XKR7: variants seen among roughly 807,000 people sequenced by gnomAD.
XKR7 encodes the protein XK related 7, also known as XK-related protein 7.
A neutral mutation model predicts 42.2 loss-of-function variants in XKR7; 11 were observed. That is an observed-to-expected ratio of 0.26 (90% CI 0.16 to 0.43). The LOEUF (loss-of-function observed/expected upper bound fraction) is 0.43. XKR7 is among the 20% of genes least tolerant of loss of function. The probability of loss-of-function intolerance (pLI) is 1.00; values close to 1 mark genes in which losing one functional copy is unlikely to be tolerated. For synonymous variants in XKR7, 346 were observed against 366.4 expected, an observed-to-expected ratio of 0.94 and a Z score of 0.64; for missense variants, 710 against 802.2, an observed-to-expected ratio of 0.89 and a Z score of 1.39.
At chr20:31,986,183 CACAGACAG>C (rs1429543235) in intron 1 of XKR7, among the ~76,000 whole-genome samples, 1 of 137,278 alleles carries the variant, frequency 7.3e-6, no homozygotes, top group Admixed American at 7.5e-5. Flanking sequence ...GCATCCAAGA[CACAGACAG>C]ACAGACAGAC....
chr20:31,995,025 G>A lies in XKR7; in HGVS notation c.585-43G>A. The A allele has an allele frequency of 6.5e-7, 1 of 1,538,458 alleles. No individual in the cohort carries two copies. Among genetic ancestry groups the A allele is most frequent in the East Asian group, 2.5e-5 (1 of 40,570 alleles). On this transcript the variant is annotated intron_variant, in intron 1 of 2. Coordinates refer to ENST00000562532, the MANE Select transcript of XKR7 (RefSeq NM_001011718.2). This position sits in a 1 kb window ranked among gnomAD's most constrained non-coding sequence, Gnocchi z 4.1. ...TCGGGGCTGGTGCGACAGAGCGAGA[G>A]GAACCAGCGCGCGGGAGCCTGAGCA...
In XKR7 at chr20:31,993,222, TG is replaced by T. The variant is rs2064577538; in HGVS notation, c.585-1842del. ...TGCCTGCCCCGTGAATCAGAGAGTTTGGGGAGCCGGCGGGAGTAGGGGGCGC... is the reference window on the plus strand; with the variant it reads ...TGCCTGCCCCGTGAATCAGAGAGTTTGGGAGCCGGCGGGAGTAGGGGGCGC... On this transcript the variant is annotated intron_variant, in intron 1 of 2. Coordinates refer to ENST00000562532, the MANE Select transcript of XKR7 (RefSeq NM_001011718.2). 2.0e-5 allele frequency among the ~76,000 whole-genome samples: 3 copies of T among 152,078 alleles called. No homozygotes were observed. The South Asian group carries it at 6.2e-4, about 32-fold the overall frequency.
rs116711702 is a variant in XKR7, at chr20:31,977,704, C to T, written c.584+8945C>T. 4.7e-3 allele frequency among the ~76,000 whole-genome samples: 710 copies of T among 152,238 alleles called. 3 individuals carry two copies. The highest frequency in any genetic ancestry group is 0.016 in the African/African-American group (644 of 41,528). On this transcript the variant is annotated intron_variant, in intron 1 of 2. Transcript: ENST00000562532. ...TAACTCTCACCCACTGACCCCCTAT[C>T]GAGGAAGGAGAGTTGTTCTATGGCT...
intron 1 of XKR7, among the ~76,000 whole-genome samples, chr20:31,991,970 A>C (rs1871624839): frequency 6.6e-6 from 1 of 152,082 alleles, no homozygotes; most frequent in Non-Finnish European, 1.5e-5. Flanking sequence ...ATACAAAATT[A>C]GCCAGGCATG....
chr20:31,978,209 G>A lies in XKR7; in HGVS notation c.584+9450G>A, dbSNP rs553800961. 6.6e-5 allele frequency among the ~76,000 whole-genome samples: 10 copies of A among 152,154 alleles called. No homozygotes were observed. In the East Asian group the frequency reaches 9.7e-4, roughly 15 times the overall value. On this transcript the variant is annotated intron_variant, in intron 1 of 2. Transcript: ENST00000562532. ...TAGCCTCCGCCTCCCAGACTCAAGC[G>A]ATCCTCCTGCCTCAGCCTCCTGAGT... is the stretch of plus-strand genomic sequence containing the variant.
chr20:31,991,947 G>A (rs139303079), intron 1 of XKR7, among the ~76,000 whole-genome samples: 1,714 of 152,056 alleles, frequency 0.011, 34 homozygotes, highest in African/African-American at 0.039. Flanking sequence ...GAGAAACCCC[G>A]TCTCTACTAA....
rs866723482 is a variant in XKR7, at chr20:31,995,106, G to C, written c.623G>C (p.Trp208Ser). The C allele has an allele frequency of 6.4e-7, 1 of 1,557,398 alleles. No individual in the cohort carries two copies. Among genetic ancestry groups the C allele is most frequent in the Non-Finnish European group, 8.7e-7 (1 of 1,151,626 alleles). ...RALYLGLQSR[W>S]RGERLRRHFY... The stretch of plus-strand genomic sequence containing the variant: ...CTGTACCTGGGGCTGCAGAGCCGCT[G>C]GCGCGGGGAGCGGCTGCGGCGCCAC... Residue 208 changes from tryptophan to serine, a missense_variant, in exon 2 of 3, where the codon TGG becomes TCG. Trp to Ser is a radical substitution (Grantham distance 177). This residue lies in a region of XKR7 where 708 missense variants were observed against 786.2 expected (regional missense o/e 0.90). Coordinates refer to ENST00000562532, the MANE Select transcript of XKR7 (RefSeq NM_001011718.2). This position sits in a 1 kb window ranked among gnomAD's most constrained non-coding sequence, Gnocchi z 4.1.
chr20:31,973,856 C>T (rs543661624), intron 1 of XKR7, among the ~76,000 whole-genome samples: 8 of 152,272 alleles, frequency 5.3e-5, no homozygotes, highest in Admixed American at 2.0e-4. Context: ...GGAACATGAT[C>T]TTGACTTGTG....
chr20:31,994,957 G>T, intron 1 of XKR7, 111 bp from the exon 2 acceptor site: 1 of 1,484,106 alleles, frequency 6.7e-7, no homozygotes, highest in Admixed American at 2.7e-5. Context: ...GAGGAAACAG[G>T]CTCAGCGTAG....
In XKR7 at chr20:31,968,638, C is replaced by A. The variant is rs1350324856; in HGVS notation, c.463C>A (p.Pro155Thr). The part of the protein sequence containing the change: ...AGAFRTKEGS[P>T]EPGPQPAPSS... ...CGCCTTCCGGACCAAAGAAGGCAGCCCCGAGCCGGGTCCCCAGCCTGCGCC... is the reference window on the plus strand; with the variant it reads ...CGCCTTCCGGACCAAAGAAGGCAGCACCGAGCCGGGTCCCCAGCCTGCGCC... The change falls in exon 1 of 3, where the codon CCC (proline) becomes ACC (threonine). Residue 155 changes from proline (P) to threonine (T), a missense_variant. Pro to Thr is a conservative substitution (Grantham distance 38, BLOSUM62 -1). Transcript: ENST00000562532. The surrounding 1 kb of genome is among the most constrained non-coding windows in gnomAD (Gnocchi z 4.5). 3.1e-6 allele frequency: 5 copies of A among 1,590,152 alleles called. No individual in the cohort carries two copies. The highest frequency in any genetic ancestry group is 2.3e-5 in the East Asian group (1 of 44,332).
chr20:31,979,765 C>G (rs1201024915), intron 1 of XKR7, among the ~76,000 whole-genome samples: 4 of 152,144 alleles, frequency 2.6e-5, no homozygotes, highest in African/African-American at 9.7e-5. Flanking sequence ...CTAACCCCCT[C>G]CCCCACTGGC....
intron 1 of XKR7, among the ~76,000 whole-genome samples, chr20:31,994,332 G>C (rs983242964): frequency 6.6e-6 from 1 of 152,232 alleles, no homozygotes; most frequent in African/African-American, 2.4e-5. Flanking sequence ...CAGAATGGCT[G>C]GGTTTGTGTC....
chr20:31,975,426 C>T (rs2064480763), intron 1 of XKR7, among the ~76,000 whole-genome samples: 1 of 152,098 alleles, frequency 6.6e-6, no homozygotes, highest in Non-Finnish European at 1.5e-5. Context: ...CCAGCAACAC[C>T]CAACACCAGT....
chr20:31,983,086 C>T (rs55743987), intron 1 of XKR7, among the ~76,000 whole-genome samples: 61,928 of 152,050 alleles, frequency 0.41, 14,549 homozygotes, highest in African/African-American at 0.65. Context: ...GGTTCTTTCC[C>T]TCTGTTCTTG....
intron 1 of XKR7, among the ~76,000 whole-genome samples, chr20:31,979,631 C>T (rs2064502032): frequency 6.6e-6 from 1 of 152,090 alleles, no homozygotes; most frequent in East Asian, 1.9e-4. Flanking sequence ...CCCCTTTAAG[C>T]ATTGGCATTT....
chr20:31,995,117 C>A lies in XKR7; in HGVS notation c.634C>A (p.Arg212=), dbSNP rs768883573. Residue 212 remains arginine, a synonymous_variant, in exon 2 of 3, where the codon CGG becomes AGG. Coordinates refer to ENST00000562532, the MANE Select transcript of XKR7 (RefSeq NM_001011718.2). This position sits in a 1 kb window ranked among gnomAD's most constrained non-coding sequence, Gnocchi z 4.1. ...GCTGCAGAGCCGCTGGCGCGGGGAG[C>A]GGCTGCGGCGCCACTTCTACTGGCA... is the stretch of plus-strand genomic sequence containing the variant. ...LGLQSRWRGE[R]LRRHFYWQML... is the part of the protein sequence containing the mutation. The A allele has an allele frequency of 6.4e-7, 1 of 1,556,834 alleles. No homozygotes were observed. The highest frequency in any genetic ancestry group is 1.2e-5 in the South Asian group (1 of 84,652).
intron 1 of XKR7, among the ~76,000 whole-genome samples, chr20:31,973,899 G>A (rs943631832): frequency 2.6e-5 from 4 of 152,078 alleles, no homozygotes; most frequent in Admixed American, 6.5e-5. Flanking sequence ...GCTGGGTGGG[G>A]AATAGACTGG....
chr20:31,974,799 C>T (rs1225369133), intron 1 of XKR7, among the ~76,000 whole-genome samples: 1 of 152,136 alleles, frequency 6.6e-6, no homozygotes, highest in East Asian at 1.9e-4. Context: ...GATTACAGTC[C>T]CCTGAACTCA....
intron 1 of XKR7, chr20:31,970,710 G>A (rs758773742): frequency 6.6e-6 from 1 of 152,186 alleles, no homozygotes; most frequent in African/African-American, 2.4e-5. Flanking sequence ...AAGAGTCTAT[G>A]TGCTCTAATT....
Sources: gnomAD v4.1 joint callset for allele counts (sites outside exome capture counted in the v4.1 genomes callset) on GRCh38, gnomAD v4.1.1 for gene constraint, gnomAD v4.1.1 regional missense constraint, Gnocchi (gnomAD v3.1) non-coding constraint, MANE v1.5 for transcripts, NCBI Gene and HGNC (gene_info 2026-07-23, HGNC 2026-07-21) for gene names.